Variants in BTF3L4 observed in about 807,000 individuals in gnomAD.
BTF3L4 encodes basic transcription factor 3 like 4, also known as transcription factor BTF3 homolog 4.
BTF3L4 carries 6 observed loss-of-function variants against 16.8 expected under a neutral mutation model. That is an observed-to-expected ratio of 0.36 (90% CI 0.20 to 0.71). The LOEUF (loss-of-function observed/expected upper bound fraction) is 0.71, where lower values mean the gene tolerates loss of function less well. BTF3L4 is among the 30% of genes least tolerant of loss of function. BTF3L4 has a pLI of 0.58. For missense variants in BTF3L4, 92 were observed against 186.9 expected, an observed-to-expected ratio of 0.49 and a Z score of 2.96; for synonymous variants, 39 against 59.8, an observed-to-expected ratio of 0.65 and a Z score of 1.60.
chr1:52,058,594 T>C (rs570400117), intron 1 of BTF3L4, among the ~76,000 whole-genome samples: 1 of 152,222 alleles, frequency 6.6e-6, no homozygotes, highest in South Asian at 2.1e-4. Context: ...AAACAAGACT[T>C]TTAATTTGGC....
chr1:52,073,689 CAAAAAAAAAAAAAAAAAA>C (rs57529132), intron 3 of BTF3L4, among the ~76,000 whole-genome samples: 3 of 67,632 alleles, frequency 4.4e-5, no homozygotes, highest in Admixed American at 2.6e-4. Flanking sequence ...GCTGTCTCTA[CAAAAAAAAAAAAAAAAAA>C]AAAAAAAAAA....
At chr1:52,069,835 T>C (rs1686739743) in intron 3 of BTF3L4, among the ~76,000 whole-genome samples, 1 of 152,212 alleles carries the variant, frequency 6.6e-6, no homozygotes, top group Non-Finnish European at 1.5e-5. Context: ...CAGTACTGAA[T>C]GTCACTAACA....
intron 3 of BTF3L4, among the ~76,000 whole-genome samples, chr1:52,073,146 T>C (rs1306779474): frequency 2.0e-5 from 3 of 152,108 alleles, no homozygotes; most frequent in African/African-American, 7.2e-5. Context: ...TGGCTGGGCA[T>C]GGTGGTGCAC....
chr1:52,063,052 T>C (rs1686560734), intron 2 of BTF3L4, among the ~76,000 whole-genome samples: 1 of 152,196 alleles, frequency 6.6e-6, no homozygotes, highest in African/African-American at 2.4e-5. Flanking sequence ...GCCGTGTTCC[T>C]AACAGGTCAC....
rs1197266026 is a variant in BTF3L4 at position 52,087,697 on chromosome 1, T to G, written c.*939T>G. ...CTTGCTAAATAATTTTATGCCAGCC[T>G]TATCCTGTATCCTAGCTGTTCTTAA... On this transcript the variant is annotated 3_prime_UTR_variant, in exon 6 of 6. Coordinates refer to ENST00000313334, the MANE Select transcript of BTF3L4 (RefSeq NM_152265.5). The G allele has an allele frequency of 6.6e-6, 1 of 152,538 alleles. No individual in the cohort carries two copies. Among genetic ancestry groups the G allele is most frequent in the African/African-American group, 2.4e-5 (1 of 41,462 alleles). The allele number at this position is 152,538 out of a possible 1,614,324, so 9.4% of individuals were successfully genotyped here.
intron 2 of BTF3L4, among the ~76,000 whole-genome samples, chr1:52,062,439 A>T (rs1417978618): frequency 1.3e-5 from 2 of 151,714 alleles, no homozygotes; most frequent in Non-Finnish European, 2.9e-5. Context: ...TGACCTTATG[A>T]TCTGCCCGCC....
intron 1 of BTF3L4, among the ~76,000 whole-genome samples, chr1:52,058,963 GTT>G (rs1686443273): frequency 6.6e-6 from 1 of 150,610 alleles, no homozygotes; most frequent in Admixed American, 6.6e-5. Context: ...ACTTAAGAAT[GTT>G]TTTTTCTTAG....
intron 2 of BTF3L4, among the ~76,000 whole-genome samples, chr1:52,061,735 G>C (rs544381184): frequency 6.8e-6 from 1 of 146,020 alleles, no homozygotes; most frequent in African/African-American, 2.5e-5. Context: ...CCGCCTCCTG[G>C]ATTCAGGCAA....
At chr1:52,076,554 A>G (rs1686940205) in intron 3 of BTF3L4, among the ~76,000 whole-genome samples, 2 of 150,826 alleles carry the variant, frequency 1.3e-5, no homozygotes, top group Admixed American at 6.6e-5. Context: ...AGATCGCACC[A>G]CTGCACTCCA....
intron 1 of BTF3L4, among the ~76,000 whole-genome samples, chr1:52,059,254 T>C (rs1219608672): frequency 6.6e-6 from 1 of 152,230 alleles, no homozygotes; most frequent in African/African-American, 2.4e-5. Context: ...CTGGTTCTCT[T>C]TCCCCATTAT....
In BTF3L4 at chr1:52,088,401, C is replaced by T. The variant is rs1298027269; in HGVS notation, c.*1643C>T. ...AACAGTGCAAAAGAGGAGAATATTT[C>T]CTCTTGTGCTTTTCTTGATGTTGTG... On this transcript the variant is annotated 3_prime_UTR_variant, in exon 6 of 6. Transcript: ENST00000313334. 6.6e-6 allele frequency: 1 copy of T among 152,498 alleles called. No homozygotes were observed. The highest frequency in any genetic ancestry group is 1.5e-5 in the Non-Finnish European group (1 of 68,014). 9.4% of individuals were successfully genotyped at this position (152,498 alleles called of 1,614,324 possible).
intron 3 of BTF3L4, among the ~76,000 whole-genome samples, chr1:52,067,438 G>A (rs1484058914): frequency 1.3e-5 from 2 of 152,158 alleles, no homozygotes; most frequent in African/African-American, 2.4e-5. Context: ...TCAGCTTGAT[G>A]TGACTGTGCC....
chr1:52,083,503 C>T lies in BTF3L4; in HGVS notation c.332C>T (p.Thr111Ile). Residue 111 changes from threonine (T) to isoleucine (I), a missense_variant, in exon 4 of 6, where the codon ACA becomes ATA. Transcript: ENST00000313334. ...ILSQLGADSL[T>I]SLRKLAEQFP... ...AGTCAGCTTGGTGCTGACAGTTTAA[C>T]AAGCCTTAGGAAGTTAGCTGAACAG... 6.2e-7 allele frequency: 1 copy of T among 1,613,724 alleles called. No homozygotes were observed. Among genetic ancestry groups the T allele is most frequent in the Non-Finnish European group, 8.5e-7 (1 of 1,179,714 alleles).
At chr1:52,059,775 A>G (rs1194926935) in intron 1 of BTF3L4, 60 bp from the exon 2 acceptor site, 7 of 1,466,888 alleles carry the variant, frequency 4.8e-6, no homozygotes, top group Non-Finnish European at 6.7e-6. Context: ...ACTGTTGCAT[A>G]AACAGTTTGT....
In BTF3L4 at chr1:52,085,164, G is replaced by A. The variant is rs140238027; in HGVS notation, c.371-948G>A. ...CCTCCCAAGTTAGCTGGGATTACAG[G>A]CGCCCGCCACTGCGCCTGGCTAATT... On this transcript the variant is annotated intron_variant, in intron 4 of 5. Transcript: ENST00000313334. 9.4e-3 allele frequency among the ~76,000 whole-genome samples: 1,425 copies of A among 151,102 alleles called. 23 individuals are homozygous for A. Among genetic ancestry groups the A allele is most frequent in the African/African-American group, 0.032 (1,325 of 41,202 alleles).
rs149194023 is a variant in BTF3L4, at chr1:52,068,878, C to T, written c.168+3940C>T. Reference sequence around the variant, plus strand: ...CCTCCCAGAAGCCTTCCTGGTAGCACCTGTACAGCATTTGTGCAGAGAAGG... The same window carrying T: ...CCTCCCAGAAGCCTTCCTGGTAGCATCTGTACAGCATTTGTGCAGAGAAGG... On this transcript the variant is annotated intron_variant, in intron 3 of 5. Coordinates refer to ENST00000313334, the MANE Select transcript of BTF3L4 (RefSeq NM_152265.5). Among the ~76,000 whole-genome samples, 18 of 152,268 alleles carry T rather than the reference C, an allele frequency of 1.2e-4. No homozygotes were observed. The East Asian group carries it at 3.3e-3, about 28-fold the overall frequency.
At chr1:52,073,279 C>T (rs1034682711) in intron 3 of BTF3L4, among the ~76,000 whole-genome samples, 2 of 151,298 alleles carry the variant, frequency 1.3e-5, no homozygotes, top group East Asian at 1.9e-4. Context: ...AGTGAAACTC[C>T]GTCTCAAAAA....
intron 3 of BTF3L4, among the ~76,000 whole-genome samples, chr1:52,076,262 C>T (rs750638596): frequency 2.6e-5 from 4 of 151,346 alleles, no homozygotes; most frequent in Non-Finnish European, 4.4e-5. Context: ...GGTGACAGAG[C>T]GAGACTCAGT....
At chr1:52,071,796 G>T (rs2124428817) in intron 3 of BTF3L4, among the ~76,000 whole-genome samples, 1 of 152,162 alleles carries the variant, frequency 6.6e-6, no homozygotes, top group Admixed American at 6.6e-5. Context: ...AGAGCCTCAG[G>T]TGCCCATAGA....
Sources: gnomAD v4.1 joint callset for allele counts (sites outside exome capture counted in the v4.1 genomes callset) on GRCh38, gnomAD v4.1.1 for gene constraint, MANE v1.5 for transcripts, NCBI Gene and HGNC (gene_info 2026-07-23, HGNC 2026-07-21) for gene names.